The following SEMA4F variants were observed in gnomAD, a reference collection of about 807,000 sequenced individuals.
SEMA4F encodes the protein ssemaphorin 4F.
SEMA4F carries 51 observed loss-of-function variants against 78.4 expected under a neutral mutation model. That is an observed-to-expected ratio of 0.65 (90% CI 0.52 to 0.82). SEMA4F has a LOEUF of 0.82. SEMA4F is among the 40% of genes least tolerant of loss of function. The probability of loss-of-function intolerance (pLI) is 0.00; values close to 1 mark genes in which losing one functional copy is unlikely to be tolerated. For missense variants in SEMA4F, 938 were observed against 1,014.4 expected, an observed-to-expected ratio of 0.92 and a Z score of 1.02; for synonymous variants, 418 against 408.7, an observed-to-expected ratio of 1.02 and a Z score of -0.27.
chr2:74,677,194 G>A (rs1459655127), intron 12 of SEMA4F, among the ~76,000 whole-genome samples: 5 of 152,106 alleles, frequency 3.3e-5, no homozygotes, highest in Admixed American at 6.5e-5. Context: ...GAGCCACTGC[G>A]CCCAGCCCAG....
chr2:74,654,360 G>A lies in SEMA4F; in HGVS notation c.-17G>A. 1 of 1,477,428 alleles carries A rather than the reference G, an allele frequency of 6.8e-7. No homozygotes were observed. The allele number at this position is 1,477,428 out of a possible 1,614,324, so 91.5% of individuals were successfully genotyped here. ...GGCCGTAGCTTGCGCCGCACCCGCG[G>A]CCAGGCGGAGCCAAAGATGCCGGCC... On this transcript the variant is annotated 5_prime_UTR_variant, in exon 1 of 14. Transcript: ENST00000357877.
At chr2:74,655,627 C>CA (rs1684094564) in intron 1 of SEMA4F, among the ~76,000 whole-genome samples, 1 of 152,172 alleles carries the variant, frequency 6.6e-6, no homozygotes, top group Admixed American at 6.5e-5. Flanking sequence ...GCAATAGCCA[C>CA]AAAGTAAGTT....
the SEMA4F span, among the ~76,000 whole-genome samples, chr2:74,705,708 T>C: frequency 6.6e-6 from 1 of 151,998 alleles, no homozygotes; most frequent in Non-Finnish European, 1.5e-5. Flanking sequence ...GGACTACAGA[T>C]GTGTGCCACC....
chr2:74,681,030 T>A lies in SEMA4F; in HGVS notation c.*821T>A, dbSNP rs1319205501. The A allele has an allele frequency of 6.6e-6, 1 of 152,544 alleles. No homozygotes were observed. The highest frequency in any genetic ancestry group is 2.4e-5 in the African/African-American group (1 of 41,392). 9.4% of individuals were successfully genotyped at this position (152,544 alleles called of 1,614,324 possible). A position where few individuals can be genotyped will look rare whatever the true frequency, so the allele number is the denominator to read the frequency against. On this transcript the variant is annotated 3_prime_UTR_variant, in exon 14 of 14. Transcript: ENST00000357877. ...GCAGCAGTACACATGACCCCATCCT[T>A]TTCTTTGTTTTTACCCCCTGGCTGC...
At chr2:74,689,086 C>T in the SEMA4F span, among the ~76,000 whole-genome samples, 1 of 152,092 alleles carries the variant, frequency 6.6e-6, no homozygotes, top group African/African-American at 2.4e-5. Context: ...ATCTGAGGAA[C>T]CCAAAGATAC....
chr2:74,675,703 G>A (rs1389943781), intron 11 of SEMA4F, 46 bp from the exon 12 acceptor site: 1 of 1,613,658 alleles, frequency 6.2e-7, no homozygotes, highest in South Asian at 1.1e-5. Flanking sequence ...TGACCCTGAG[G>A]TCTGGGAGAT....
the SEMA4F span, among the ~76,000 whole-genome samples, chr2:74,700,013 G>A: frequency 6.6e-6 from 1 of 152,140 alleles, no homozygotes; most frequent in Non-Finnish European, 1.5e-5. Context: ...AATGGAAAGA[G>A]CCAGGAGGAG....
the SEMA4F span, among the ~76,000 whole-genome samples, chr2:74,696,003 G>A: frequency 2.0e-4 from 31 of 152,018 alleles, no homozygotes; most frequent in Non-Finnish European, 3.4e-4. Flanking sequence ...GGGAAGCCAG[G>A]GCCCCACCTA....
Position 74,679,722 on chromosome 2 carries a change from C to T in SEMA4F, c.1826C>T (p.Pro609Leu), listed in dbSNP as rs766621661. Residue 609 changes from proline (P) to leucine (L), a missense_variant, in exon 14 of 14, where the codon CCC (proline) becomes CTC (leucine). Pro to Leu is a moderately conservative substitution (Grantham distance 98). Transcript: ENST00000357877. ...CCCAGTGGAGTGACTGCACTCACCCCCCGGCGGGATGGACTGGAGGTGGTG... is the reference window on the plus strand; with the variant it reads ...CCCAGTGGAGTGACTGCACTCACCCTCCGGCGGGATGGACTGGAGGTGGTG... ...HQPSGVTALT[P>L]RRDGLEVVVT... is the part of the protein sequence containing the mutation. The T allele has an allele frequency of 3.7e-6, 6 of 1,614,046 alleles. No homozygotes were observed. Among genetic ancestry groups the T allele is most frequent in the African/African-American group, 1.3e-5 (1 of 74,936 alleles).
At chr2:74,676,694 A>G (rs1010983208) in intron 12 of SEMA4F, among the ~76,000 whole-genome samples, 1 of 151,976 alleles carries the variant, frequency 6.6e-6, no homozygotes, top group African/African-American at 2.4e-5. Context: ...CTCTACCACT[A>G]CCACTCTAGT....
At chr2:74,686,497 G>C (rs1156978109), downstream of SEMA4F, among the ~76,000 whole-genome samples, 1 of 152,176 alleles carries the variant, frequency 6.6e-6, no homozygotes, top group East Asian at 1.9e-4. Context: ...AGAATTAGAA[G>C]TACCATTTGA....
intron 12 of SEMA4F, among the ~76,000 whole-genome samples, chr2:74,676,731 A>T (rs1173527826): frequency 1.3e-5 from 2 of 152,104 alleles, no homozygotes; most frequent in African/African-American, 4.8e-5. Context: ...TCTTAACTGG[A>T]CTACTCTAAT....
rs1283430484 is a variant in SEMA4F at position 74,675,323 on chromosome 2, C to T, written c.1311C>T (p.Val437=). 1.2e-6 allele frequency: 2 copies of T among 1,614,014 alleles called. No homozygotes were observed. The highest frequency in any genetic ancestry group is 1.7e-5 in the Admixed American group (1 of 59,996). Residue 437 remains valine, a synonymous_variant, in exon 10 of 14, where the codon GTC becomes GTT. Coordinates refer to ENST00000357877, the MANE Select transcript of SEMA4F (RefSeq NM_004263.5). ...LVTTDTAYLR[V]VAHRVTSLSG... is the part of the protein sequence containing the mutation. ...CTACAGATACAGCCTATCTCAGAGTCGTGGCCCACAGGGTGACCAGCCTCT... is the reference window on the plus strand; with the variant it reads ...CTACAGATACAGCCTATCTCAGAGTTGTGGCCCACAGGGTGACCAGCCTCT...
At position 74,675,387 on chromosome 2, in the gene SEMA4F, A is replaced by G. The variant is rs1685218275; in HGVS notation, c.1372+3A>G. On this transcript the variant is annotated splice_donor_region_variant and intron_variant, in intron 10 of 13. Transcript: ENST00000357877. ...TGATGTGCTCTACCTGGGGACAGGT[A>G]TATTTAATGGTCAAGCAGGCTGCCT... 1.2e-6 allele frequency: 2 copies of G among 1,612,798 alleles called. No individual in the cohort carries two copies. The highest frequency in any genetic ancestry group is 1.7e-6 in the Non-Finnish European group (2 of 1,179,184).
intron 2 of SEMA4F, 99 bp downstream of exon 2, chr2:74,656,784 G>T: frequency 7.8e-7 from 1 of 1,287,058 alleles, no homozygotes; most frequent in Non-Finnish European, 1.1e-6. Context: ...AACTAAAGAT[G>T]TAACAGCAGG....
chr2:74,664,172 A>G (rs556436866), intron 5 of SEMA4F, among the ~76,000 whole-genome samples: 47 of 152,362 alleles, frequency 3.1e-4, no homozygotes, highest in Middle Eastern at 3.4e-3. Flanking sequence ...GTGGTAGTGT[A>G]AAGCAGGTTA....
At chr2:74,660,265 AC>A (rs997352978) in intron 4 of SEMA4F, among the ~76,000 whole-genome samples, 2 of 152,190 alleles carry the variant, frequency 1.3e-5, no homozygotes, top group Admixed American at 6.5e-5. Flanking sequence ...CAAAATTTAA[AC>A]CTGTGTTTGT....
At position 74,656,758 on chromosome 2, in the gene SEMA4F, T is replaced by G. The variant is rs553797511; in HGVS notation, c.297+73T>G. ...AAATCTATGATTTTATGAGTGTGTG[T>G]GGGGGATTTCATAATAACTAAAGAT... On this transcript the variant is annotated intron_variant, in intron 2 of 13. Transcript: ENST00000357877. 52 of 1,505,464 alleles carry G rather than the reference T, an allele frequency of 3.5e-5. No homozygotes were observed. The East Asian group carries it at 5.7e-4, about 17-fold the overall frequency. The allele number at this position is 1,505,464 out of a possible 1,614,324, so 93.3% of individuals were successfully genotyped here.
At chr2:74,701,104 T>C in the SEMA4F span, among the ~76,000 whole-genome samples, 6 of 152,126 alleles carry the variant, frequency 3.9e-5, no homozygotes, top group African/African-American at 1.4e-4. Flanking sequence ...CCAGCTGCCT[T>C]GCTTGTGGGA....
Sources: gnomAD v4.1 joint callset for allele counts (sites outside exome capture counted in the v4.1 genomes callset) on GRCh38, gnomAD v4.1.1 for gene constraint, MANE v1.5 for transcripts, NCBI Gene and HGNC (gene_info 2026-07-23, HGNC 2026-07-21) for gene names.